The following GSE1 variants were observed in gnomAD, a reference collection of about 807,000 sequenced individuals.
GSE1 encodes the protein Gse1 coiled-coil protein.
In GSE1, 32 loss-of-function variants were observed where a neutral mutation model predicts 112.6. The observed-to-expected ratio is 0.28, with a 90% confidence interval of 0.21 to 0.38. The LOEUF (loss-of-function observed/expected upper bound fraction) is 0.38. Among genes scored for constraint, GSE1 ranks in the 10% least tolerant of loss-of-function variants. The pLI is 1.00. For synonymous variants in GSE1, 1,115 were observed against 735.6 expected (o/e 1.52, Z -8.35); for missense variants, 2,348 against 1,699.2 (o/e 1.38, Z -6.71).
At chr16:85,446,676 G>A (rs982402019) in intron 2 of GSE1, among the ~76,000 whole-genome samples, 9 of 152,328 alleles carry the variant, frequency 5.9e-5, no homozygotes, top group Middle Eastern at 3.4e-3. Flanking sequence ...GCATGGCAGG[G>A]AGACCTACCG....
chr16:85,351,446 T>G (rs1253902531), intron 1 of GSE1, among the ~76,000 whole-genome samples: 3 of 152,102 alleles, frequency 2.0e-5, no homozygotes, highest in Non-Finnish European at 4.4e-5. Flanking sequence ...AAATGACATT[T>G]GTATGAAACG....
At chr16:85,554,356 CTG>C (rs2045090482), upstream of GSE1, among the ~76,000 whole-genome samples, 1 of 152,164 alleles carries the variant, frequency 6.6e-6, no homozygotes, top group Non-Finnish European at 1.5e-5. Context: ...CTCACACTCT[CTG>C]TGCAGTTGAT....
At chr16:85,663,811 T>G (rs147717054) in intron 11 of GSE1, among the ~76,000 whole-genome samples, 197 bp downstream of exon 11, 1 of 152,360 alleles carries the variant, frequency 6.6e-6, no homozygotes, top group African/African-American at 2.4e-5. Flanking sequence ...TGACAGGCTT[T>G]GCTCTGAGAG....
At chr16:85,310,317 T>G (rs1443719973) in intron 1 of GSE1, among the ~76,000 whole-genome samples, 1 of 152,210 alleles carries the variant, frequency 6.6e-6, no homozygotes, top group African/African-American at 2.4e-5. Context: ...CATGGGATGT[T>G]TGTGAGGTTC....
intron 2 of GSE1, among the ~76,000 whole-genome samples, chr16:85,368,167 G>A (rs1319926355): frequency 2.6e-5 from 4 of 152,116 alleles, no homozygotes; most frequent in Non-Finnish European, 4.4e-5. Flanking sequence ...TTACAAGCAC[G>A]GAGGGTGCGC....
chr16:85,338,995 C>T (rs111628560), intron 1 of GSE1, among the ~76,000 whole-genome samples: 44 of 152,072 alleles, frequency 2.9e-4, no homozygotes, highest in Non-Finnish European at 1.5e-4. Flanking sequence ...GGTGTTGGGG[C>T]GGGTGTTTGG....
intron 1 of GSE1, among the ~76,000 whole-genome samples, chr16:85,566,195 T>G (rs1392405168): frequency 6.6e-6 from 1 of 152,104 alleles, no homozygotes. Context: ...CTGCACGCCG[T>G]CCATATCTTG....
chr16:85,226,643 A>G (rs2075490899), intron 1 of GSE1, among the ~76,000 whole-genome samples: 1 of 152,076 alleles, frequency 6.6e-6, no homozygotes, highest in African/African-American at 2.4e-5. Flanking sequence ...TGAGGTTTAG[A>G]TAGAATGGAG....
chr16:85,651,777 A>AT (rs2051377826), intron 3 of GSE1, among the ~76,000 whole-genome samples: 1 of 152,060 alleles, frequency 6.6e-6, no homozygotes, highest in Non-Finnish European at 1.5e-5. Flanking sequence ...CCAGCCTGGG[A>AT]GGGGGAGTCC....
intron 2 of GSE1, among the ~76,000 whole-genome samples, chr16:85,480,589 A>T (rs758443090): frequency 6.6e-6 from 1 of 152,130 alleles, no homozygotes; most frequent in African/African-American, 2.4e-5. Context: ...AACAAATCAC[A>T]TGGCCCATCG....
At chr16:85,250,219 GC>G (rs1367870567) in intron 1 of GSE1, among the ~76,000 whole-genome samples, 1 of 152,222 alleles carries the variant, frequency 6.6e-6, no homozygotes, top group African/African-American at 2.4e-5. Flanking sequence ...AGGCCAAGTG[GC>G]CTTTCTTTCA....
At chr16:85,257,411 A>G (rs146098243) in intron 1 of GSE1, among the ~76,000 whole-genome samples, 40 of 152,282 alleles carry the variant, frequency 2.6e-4, no homozygotes, top group Admixed American at 9.8e-4. Flanking sequence ...ACGCTCAGCA[A>G]TGTTCTGCAT....
rs561634655 is a variant in GSE1 at position 85,343,956 on chromosome 16, G to A, written c.2284-13507G>A. On this transcript the variant is annotated intron_variant, in intron 1 of 2. Coordinates refer to the GSE1 transcript ENST00000637419. ...CTCAAATGCAACCGGGCACAGTCCC[G>A]TCTCAGGGCCTTTGCACTGGCCATT... Among the ~76,000 whole-genome samples, 11 of 152,260 alleles carry A rather than the reference G, an allele frequency of 7.2e-5. No homozygotes were observed. In the East Asian group the frequency reaches 1.7e-3, roughly 24 times the overall value.
intron 2 of GSE1, among the ~76,000 whole-genome samples, chr16:85,460,009 C>T (rs773218179): frequency 7.9e-5 from 12 of 152,234 alleles, no homozygotes; most frequent in Non-Finnish European, 1.2e-4. Flanking sequence ...GTGATCCTGT[C>T]CTTCTGCTGG....
chr16:85,179,196 T>G (rs915114970), intron 1 of GSE1, among the ~76,000 whole-genome samples: 5 of 152,156 alleles, frequency 3.3e-5, no homozygotes, highest in African/African-American at 9.7e-5. Context: ...CCCACTCGTC[T>G]GCCCTCTGTC....
At chr16:85,574,082 C>G (rs1360551167) in intron 1 of GSE1, among the ~76,000 whole-genome samples, 1 of 152,160 alleles carries the variant, frequency 6.6e-6, no homozygotes, top group African/African-American at 2.4e-5. Flanking sequence ...GCCAGGCCTC[C>G]CGTCTGGTCC....
chr16:85,479,400 C>G (rs1281945383), intron 2 of GSE1, among the ~76,000 whole-genome samples: 1 of 150,782 alleles, frequency 6.6e-6, no homozygotes, highest in East Asian at 2.0e-4. Flanking sequence ...AACTCCTGAC[C>G]TCAGGTGATC....
At chr16:85,623,985 C>T (rs1049875532) in intron 1 of GSE1, among the ~76,000 whole-genome samples, 2 of 152,208 alleles carry the variant, frequency 1.3e-5, no homozygotes, top group African/African-American at 4.8e-5. Context: ...TAGGAGACGT[C>T]CTTGGATCCT....
At chr16:85,232,008 T>G (rs931390347) in intron 1 of GSE1, among the ~76,000 whole-genome samples, 1 of 152,104 alleles carries the variant, frequency 6.6e-6, no homozygotes, top group Non-Finnish European at 1.5e-5. Context: ...GTTTAGGGAG[T>G]GCCAGGCCTC....
Sources: allele counts gnomAD v4.1 joint callset (sites outside exome capture counted in the v4.1 genomes callset), GRCh38; gene constraint gnomAD v4.1.1; transcripts MANE v1.5; gene names NCBI Gene and HGNC (gene_info 2026-07-23, HGNC 2026-07-21).